The following ATRNL1 variants were observed in gnomAD, a reference collection of about 807,000 sequenced individuals.
ATRNL1 encodes the protein attractin-like protein 1.
ATRNL1 carries 95 observed loss-of-function variants against 182.7 expected under a neutral mutation model. The ratio of observed to expected loss-of-function variants is 0.52; its 90% CI spans 0.44 to 0.62. ATRNL1 has a LOEUF of 0.62. Among genes scored for constraint, ATRNL1 ranks in the 20% least tolerant of loss-of-function variants. The pLI, the probability that ATRNL1 is intolerant of heterozygous loss-of-function variation, is 0.00. For missense variants in ATRNL1, 1,471 were observed against 1,679.5 expected, an observed-to-expected ratio of 0.88 and a Z score of 2.17; for synonymous variants, 576 against 568.3, an observed-to-expected ratio of 1.01 and a Z score of -0.19.
At chr10:115,684,249 C>T (rs1215357238) in intron 26 of ATRNL1, among the ~76,000 whole-genome samples, 1 of 150,670 alleles carries the variant, frequency 6.6e-6, no homozygotes, top group Non-Finnish European at 1.5e-5. Context: ...TATTTATGTT[C>T]TTAACAAGAT....
At position 115,264,297 on chromosome 10, in the gene ATRNL1, A is replaced by G. The variant is rs118015966; in HGVS notation, c.1688-896A>G. Among the ~76,000 whole-genome samples, 289 of 151,744 alleles carry G rather than the reference A, an allele frequency of 1.9e-3. 2 individuals carry two copies. Among genetic ancestry groups the G allele is most frequent in the Non-Finnish European group, 3.3e-3 (225 of 67,604 alleles). On this transcript the variant is annotated intron_variant, in intron 10 of 28. Transcript: ENST00000355044. The stretch of plus-strand genomic sequence containing the variant: ...TAGATGTAATTACTTAAATAAGAAA[A>G]CAAGTAATTCATTACTTTAACTTTT...
At chr10:115,301,714 G>T in intron 16 of ATRNL1, 141 bp from the exon 17 acceptor site, 1 of 587,444 alleles carries the variant, frequency 1.7e-6, no homozygotes, top group Non-Finnish European at 2.7e-6. Flanking sequence ...TATCATCTTT[G>T]TTTTTATCTA....
chr10:115,665,597 C>G (rs1860953020), intron 26 of ATRNL1, among the ~76,000 whole-genome samples: 1 of 152,076 alleles, frequency 6.6e-6, no homozygotes, highest in African/African-American at 2.4e-5. Flanking sequence ...AAAATGGACA[C>G]CAATTTAAAT....
At chr10:115,296,942 C>A (rs536659052) in intron 15 of ATRNL1, among the ~76,000 whole-genome samples, 1 of 152,270 alleles carries the variant, frequency 6.6e-6, no homozygotes, top group South Asian at 2.1e-4. Context: ...CACAATTCTA[C>A]TGAAATGTGA....
chr10:115,174,066 G>A (rs1847399581), intron 8 of ATRNL1, among the ~76,000 whole-genome samples: 1 of 151,674 alleles, frequency 6.6e-6, no homozygotes, highest in Admixed American at 6.6e-5. Flanking sequence ...TAAGTTTTGA[G>A]ATCTGCTTCC....
intron 5 of ATRNL1, among the ~76,000 whole-genome samples, chr10:115,138,957 T>C (rs1845641537): frequency 6.6e-6 from 1 of 152,230 alleles, no homozygotes; most frequent in Non-Finnish European, 1.5e-5. Flanking sequence ...AATGCTTTGC[T>C]GCTTAGAAAT....
chr10:115,388,322 C>T (rs1196603281), intron 19 of ATRNL1, among the ~76,000 whole-genome samples: 2 of 152,114 alleles, frequency 1.3e-5, no homozygotes, highest in African/African-American at 2.4e-5. Context: ...TGTTATTTGT[C>T]ACTGAAATAT....
intron 24 of ATRNL1, among the ~76,000 whole-genome samples, chr10:115,499,480 C>T (rs561387217): frequency 9.2e-5 from 14 of 152,312 alleles, no homozygotes; most frequent in African/African-American, 3.1e-4. Flanking sequence ...AGGTTGAGGA[C>T]ATGCACCTGT....
At chr10:115,639,776 T>C (rs992878185) in intron 26 of ATRNL1, among the ~76,000 whole-genome samples, 24 of 152,032 alleles carry the variant, frequency 1.6e-4, no homozygotes, top group Admixed American at 4.6e-4. Context: ...GAGAGAGGGA[T>C]AAAATGATGA....
intron 27 of ATRNL1, among the ~76,000 whole-genome samples, chr10:115,748,514 C>T (rs1948357312): frequency 6.6e-6 from 1 of 151,598 alleles, no homozygotes. Flanking sequence ...TTTTCTGTCT[C>T]TGAAAGCCCT....
At chr10:115,333,132 G>C (rs907709233) in intron 18 of ATRNL1, among the ~76,000 whole-genome samples, 3 of 148,314 alleles carry the variant, frequency 2.0e-5, no homozygotes, top group Non-Finnish European at 4.4e-5. Context: ...CATGGAGTGA[G>C]AGAGAGCTCA....
intron 19 of ATRNL1, among the ~76,000 whole-genome samples, chr10:115,338,764 G>A (rs1452405704): frequency 6.6e-6 from 1 of 152,142 alleles, no homozygotes; most frequent in Non-Finnish European, 1.5e-5. Context: ...TGCTTTAGTT[G>A]CCTGTGCTTA....
intron 21 of ATRNL1, among the ~76,000 whole-genome samples, chr10:115,427,262 G>T (rs1045459541): frequency 1.4e-4 from 21 of 152,102 alleles, no homozygotes; most frequent in African/African-American, 4.1e-4. Context: ...TTTGCCATCT[G>T]TATATTTTAT....
intron 8 of ATRNL1, among the ~76,000 whole-genome samples, chr10:115,200,096 A>G (rs1554891985): frequency 6.6e-6 from 1 of 152,170 alleles, no homozygotes; most frequent in Admixed American, 6.6e-5. Context: ...TACCCATTAA[A>G]GTAAGATACA....
intron 24 of ATRNL1, among the ~76,000 whole-genome samples, chr10:115,500,193 T>A (rs897983100): frequency 6.6e-6 from 1 of 152,188 alleles, no homozygotes; most frequent in Non-Finnish European, 1.5e-5. Flanking sequence ...GTAAATAGAT[T>A]GCTGTTACAT....
chr10:115,696,885 G>C (rs1946578389), intron 26 of ATRNL1, among the ~76,000 whole-genome samples: 1 of 150,606 alleles, frequency 6.6e-6, no homozygotes, highest in African/African-American at 2.5e-5. Context: ...GAGAGAGAGA[G>C]AGAGAGAGAG....
At chr10:115,408,274 A>G (rs1332042908) in intron 20 of ATRNL1, among the ~76,000 whole-genome samples, 2 of 152,038 alleles carry the variant, frequency 1.3e-5, no homozygotes, top group Admixed American at 6.5e-5. Flanking sequence ...AAGTGCTGGG[A>G]TTACAGGCGT....
chr10:115,404,995 G>A (rs1478572268), intron 20 of ATRNL1, among the ~76,000 whole-genome samples: 2 of 151,914 alleles, frequency 1.3e-5, no homozygotes, highest in African/African-American at 2.4e-5. Flanking sequence ...TGTTGGAATT[G>A]CTAATAAAAA....
At chr10:115,496,768 A>C (rs1417664749) in intron 24 of ATRNL1, among the ~76,000 whole-genome samples, 2 of 152,198 alleles carry the variant, frequency 1.3e-5, no homozygotes, top group Non-Finnish European at 2.9e-5. Context: ...GTCCACTGTT[A>C]GCCTGATGGG....
Sources: gnomAD v4.1 joint callset for allele counts (sites outside exome capture counted in the v4.1 genomes callset) on GRCh38, gnomAD v4.1.1 for gene constraint, MANE v1.5 for transcripts, NCBI Gene and HGNC (gene_info 2026-07-23, HGNC 2026-07-21) for gene names.